ATXN7L1: variants seen among roughly 807,000 people sequenced by gnomAD.
ATXN7L1 encodes the protein ataxin-7-like protein 1.
Under a neutral mutation model 70.8 loss-of-function variants are expected in ATXN7L1, and 15 were observed. The ratio of observed to expected loss-of-function variants is 0.21; its 90% CI spans 0.14 to 0.33. The LOEUF is 0.33. Ranked by LOEUF, ATXN7L1 falls within the 10% of genes least tolerant of loss-of-function variation. ATXN7L1 has a pLI of 1.00. For missense variants in ATXN7L1, 975 were observed against 1,097.1 expected (o/e 0.89, Z 1.57); for synonymous variants, 440 against 445.1 (o/e 0.99, Z 0.14).
At chr7:105,722,825 C>A (rs1414649298) in intron 3 of ATXN7L1, among the ~76,000 whole-genome samples, 3 of 151,996 alleles carry the variant, frequency 2.0e-5, no homozygotes, top group Non-Finnish European at 4.4e-5. Flanking sequence ...GTGGAGGTTG[C>A]AGTGAGCTGA....
Position 105,864,676 on chromosome 7 carries a change from C to G in ATXN7L1, c.250+11136G>C, listed in dbSNP as rs546442504. 7.2e-5 allele frequency among the ~76,000 whole-genome samples: 11 copies of G among 151,824 alleles called. No homozygotes were observed. The East Asian group carries it at 2.1e-3, about 30-fold the overall frequency. ...TGAGACGGAGTGTCACTCTGTCCCC[C>G]AGGCTGGAGTGCAGTGGTGCAATCT... is the stretch of plus-strand genomic sequence containing the variant. On this transcript the variant is annotated intron_variant, in intron 2 of 11. Transcript: ENST00000419735.
intron 4 of ATXN7L1, among the ~76,000 whole-genome samples, chr7:105,656,674 G>A (rs1373693940): frequency 1.3e-5 from 2 of 150,074 alleles, no homozygotes; most frequent in East Asian, 2.0e-4. Context: ...AGATTCAAGC[G>A]ATTGTCTTGC....
chr7:105,679,054 A>T, intron 3 of ATXN7L1: 1 of 985,126 alleles, frequency 1.0e-6, no homozygotes, highest in South Asian at 4.7e-5. Context: ...ACACTTACAC[A>T]TCCCGGGGAG....
At chr7:105,657,531 C>T (rs1800851746) in intron 4 of ATXN7L1, among the ~76,000 whole-genome samples, 1 of 151,282 alleles carries the variant, frequency 6.6e-6, no homozygotes, top group Admixed American at 6.6e-5. Context: ...AACTCTAACT[C>T]TACAAAAACA....
intron 4 of ATXN7L1, among the ~76,000 whole-genome samples, chr7:105,651,311 T>C (rs1799792952): frequency 6.6e-6 from 1 of 152,186 alleles, no homozygotes; most frequent in Non-Finnish European, 1.5e-5. Context: ...AGGTAGTAGA[T>C]ACCAAGTGCT....
chr7:105,652,902 C>T (rs993408820), intron 4 of ATXN7L1, among the ~76,000 whole-genome samples: 10 of 152,224 alleles, frequency 6.6e-5, no homozygotes, highest in African/African-American at 2.2e-4. Flanking sequence ...CTCAGGAGCA[C>T]CTTCCCTCCC....
At chr7:105,657,242 G>A (rs569478068) in intron 4 of ATXN7L1, among the ~76,000 whole-genome samples, 59 of 152,168 alleles carry the variant, frequency 3.9e-4, no homozygotes, top group Admixed American at 5.9e-4. Context: ...GCCAAGGGGA[G>A]AAAGGAGTTG....
intron 2 of ATXN7L1, among the ~76,000 whole-genome samples, chr7:105,841,140 C>T (rs1266604763): frequency 6.6e-6 from 1 of 152,160 alleles, no homozygotes; most frequent in South Asian, 2.1e-4. Flanking sequence ...GACAGTTTCC[C>T]GGTGTCTAAT....
In ATXN7L1 at chr7:105,646,945, G is replaced by GA. The variant is rs141884008; in HGVS notation, c.579-3825dup. ...GGTGACACAGTGAGACCCTGTCTTG[G>GA]AAAAAAAAAAAATTAGAAGAATCTG... On this transcript the variant is annotated intron_variant, in intron 4 of 11. Transcript: ENST00000419735. Among the ~76,000 whole-genome samples the GA allele has an allele frequency of 1.1e-3, 153 of 144,674 alleles. 1 individual carries two copies. In the Middle Eastern group the frequency reaches 0.024, roughly 23 times the overall value. 94.9% of individuals were successfully genotyped at this position (144,674 alleles called of 152,430 possible).
At chr7:105,830,440 G>A (rs1811443452) in intron 2 of ATXN7L1, among the ~76,000 whole-genome samples, 1 of 152,274 alleles carries the variant, frequency 6.6e-6, no homozygotes, top group Non-Finnish European at 1.5e-5. Flanking sequence ...CTGCCCCATG[G>A]CGGGTGTGGG....
At chr7:105,873,623 C>T (rs1818601836) in intron 2 of ATXN7L1, among the ~76,000 whole-genome samples, 1 of 152,190 alleles carries the variant, frequency 6.6e-6, no homozygotes, top group Non-Finnish European at 1.5e-5. Context: ...TCTGTTCCAC[C>T]AGGCCTGTGA....
chr7:105,770,190 A>G (rs1801793885), intron 3 of ATXN7L1, among the ~76,000 whole-genome samples: 3 of 152,364 alleles, frequency 2.0e-5, no homozygotes, highest in East Asian at 3.9e-4. Context: ...GAGACAATTC[A>G]ATATTCATAA....
intron 10 of ATXN7L1, among the ~76,000 whole-genome samples, chr7:105,611,942 C>T (rs1217097472): frequency 1.3e-5 from 2 of 152,200 alleles, no homozygotes; most frequent in Non-Finnish European, 2.9e-5. Flanking sequence ...GTATCACCTG[C>T]GTTAGAGAAC....
chr7:105,855,104 G>A (rs1201254767), intron 2 of ATXN7L1, among the ~76,000 whole-genome samples: 10 of 152,104 alleles, frequency 6.6e-5, no homozygotes, highest in Admixed American at 2.6e-4. Context: ...ACAGGTGTGC[G>A]CCACCACGCC....
chr7:105,868,846 C>G (rs1218440775), intron 2 of ATXN7L1, among the ~76,000 whole-genome samples: 3 of 152,162 alleles, frequency 2.0e-5, no homozygotes, highest in Admixed American at 6.5e-5. Flanking sequence ...GGATGAGACC[C>G]TGGTACAGGG....
intron 10 of ATXN7L1, 150 bp from the exon 11 acceptor site, chr7:105,610,753 G>T (rs1793075312): frequency 1.4e-6 from 1 of 692,716 alleles, no homozygotes; most frequent in Non-Finnish European, 2.5e-6. Context: ...ATCTTAAGTG[G>T]CAGAGAAAAT....
At chr7:105,789,615 G>C (rs1313632823) in intron 2 of ATXN7L1, among the ~76,000 whole-genome samples, 1 of 152,112 alleles carries the variant, frequency 6.6e-6, no homozygotes, top group African/African-American at 2.4e-5. Flanking sequence ...AGCCAAGGAA[G>C]GAGGCTCTGT....
At chr7:105,692,374 C>CTTCT (rs1286001654) in intron 3 of ATXN7L1, among the ~76,000 whole-genome samples, 133 of 52,052 alleles carry the variant, frequency 2.6e-3, no homozygotes, top group African/African-American at 8.6e-3. Context: ...TCTTTCTTTC[C>CTTCT]TTCCTTCCTT....
intron 3 of ATXN7L1, among the ~76,000 whole-genome samples, chr7:105,714,723 C>T (rs1169387689): frequency 6.6e-6 from 1 of 152,162 alleles, no homozygotes; most frequent in Non-Finnish European, 1.5e-5. Context: ...AGTGCAGTGG[C>T]ACCATCTCGG....
Sources: gnomAD v4.1 joint callset for allele counts (sites outside exome capture counted in the v4.1 genomes callset) on GRCh38, gnomAD v4.1.1 for gene constraint, MANE v1.5 for transcripts, NCBI Gene and HGNC (gene_info 2026-07-23, HGNC 2026-07-21) for gene names.